GALNT13: variants seen among roughly 807,000 people sequenced by gnomAD.
The protein encoded by GALNT13 is UDP-GalNAc:polypeptide N-acetylgalactosaminyltransferase 13.
In GALNT13, 28 loss-of-function variants were observed where a neutral mutation model predicts 64.2. The ratio of observed to expected loss-of-function variants is 0.44; its 90% CI spans 0.32 to 0.60. GALNT13 has a LOEUF of 0.60. Ranked by LOEUF, GALNT13 falls within the 20% of genes least tolerant of loss-of-function variation. The pLI, the probability that GALNT13 is intolerant of heterozygous loss-of-function variation, is 0.05. For synonymous variants in GALNT13, 214 were observed against 224.6 expected, an observed-to-expected ratio of 0.95 and a Z score of 0.42; for missense variants, 577 against 669.8, an observed-to-expected ratio of 0.86 and a Z score of 1.53.
chr2:153,800,092 C>T, the GALNT13 span, among the ~76,000 whole-genome samples: 1 of 151,382 alleles, frequency 6.6e-6, no homozygotes, highest in Admixed American at 6.6e-5. Context: ...CTCCACCCCC[C>T]ACCACCACAC....
At chr2:153,766,196 G>A in the GALNT13 span, among the ~76,000 whole-genome samples, 4 of 151,678 alleles carry the variant, frequency 2.6e-5, no homozygotes, top group African/African-American at 9.7e-5. Flanking sequence ...TCTTGCCTGG[G>A]CTCTGAGGTT....
the GALNT13 span, among the ~76,000 whole-genome samples, chr2:153,427,538 T>A: frequency 2.5e-4 from 38 of 152,140 alleles, no homozygotes; most frequent in Admixed American, 3.3e-4. Context: ...ATTAGGAGGT[T>A]GAGTTAGACA....
chr2:153,656,025 G>A, the GALNT13 span, among the ~76,000 whole-genome samples: 24 of 152,086 alleles, frequency 1.6e-4, no homozygotes, highest in Admixed American at 2.6e-4. Context: ...AAGCTTGCCC[G>A]CTTTGTTATG....
intron 3 of GALNT13, among the ~76,000 whole-genome samples, chr2:154,085,940 G>A (rs1298222096): frequency 1.3e-5 from 2 of 151,700 alleles, no homozygotes; most frequent in Non-Finnish European, 2.9e-5. Flanking sequence ...AAAAAATAAA[G>A]TATGTTGTAA....
At chr2:154,175,628 A>C (rs985267632) in intron 4 of GALNT13, among the ~76,000 whole-genome samples, 8 of 152,180 alleles carry the variant, frequency 5.3e-5, no homozygotes, top group Admixed American at 4.6e-4. Flanking sequence ...AAACTATAGA[A>C]ACCCTCTGAG....
At chr2:153,645,768 A>C in the GALNT13 span, among the ~76,000 whole-genome samples, 3 of 152,110 alleles carry the variant, frequency 2.0e-5, no homozygotes, top group Non-Finnish European at 4.4e-5. Context: ...GCAAGCTTTC[A>C]CAGGATCTTC....
At chr2:154,404,676 A>T (rs542182703) in intron 10 of GALNT13, among the ~76,000 whole-genome samples, 1 of 152,310 alleles carries the variant, frequency 6.6e-6, no homozygotes, top group South Asian at 2.1e-4. Context: ...AACAGTCTGC[A>T]GTCTGTGAAT....
At chr2:153,284,466 A>G in the GALNT13 span, among the ~76,000 whole-genome samples, 1 of 152,158 alleles carries the variant, frequency 6.6e-6, no homozygotes, top group Admixed American at 6.5e-5. Context: ...CTGTCTTTAT[A>G]TGCACTCAGA....
chr2:154,223,473 CAG>C (rs1688430466), intron 4 of GALNT13, among the ~76,000 whole-genome samples: 3 of 102,260 alleles, frequency 2.9e-5, no homozygotes, highest in Non-Finnish European at 5.7e-5. Flanking sequence ...TTTTTTGAGA[CAG>C]AGTTTTGCTC....
At chr2:153,341,790 T>C in the GALNT13 span, among the ~76,000 whole-genome samples, 1 of 152,320 alleles carries the variant, frequency 6.6e-6, no homozygotes, top group Admixed American at 6.5e-5. Flanking sequence ...AAAGGGCCAC[T>C]TCCTTGGCAG....
chr2:153,163,821 C>T, the GALNT13 span, among the ~76,000 whole-genome samples: 1 of 152,002 alleles, frequency 6.6e-6, no homozygotes, highest in Non-Finnish European at 1.5e-5. Context: ...AGATCGAGAC[C>T]ATCCTGGCTA....
chr2:154,335,697 T>A (rs1337104894), intron 9 of GALNT13, among the ~76,000 whole-genome samples: 3 of 151,826 alleles, frequency 2.0e-5, no homozygotes, highest in Middle Eastern at 3.2e-3. Context: ...ACGCGTAATA[T>A]TATAGGGATT....
the GALNT13 span, among the ~76,000 whole-genome samples, chr2:153,260,364 GCAT>G: frequency 6.6e-6 from 1 of 152,092 alleles, no homozygotes; most frequent in Non-Finnish European, 1.5e-5. Context: ...ACTTCCTTTA[GCAT>G]TTCTTGTAGG....
At chr2:153,132,128 C>A in the GALNT13 span, among the ~76,000 whole-genome samples, 1 of 152,116 alleles carries the variant, frequency 6.6e-6, no homozygotes, top group African/African-American at 2.4e-5. Context: ...AAAGAAATTG[C>A]CTTTAAATAT....
intron 2 of GALNT13, among the ~76,000 whole-genome samples, chr2:153,922,774 G>T (rs1404388843): frequency 6.6e-6 from 1 of 152,004 alleles, no homozygotes; most frequent in Non-Finnish European, 1.5e-5. Flanking sequence ...AATTAGCAAT[G>T]ACTGGCATGA....
chr2:153,842,407 G>A, the GALNT13 span, among the ~76,000 whole-genome samples: 1 of 152,008 alleles, frequency 6.6e-6, no homozygotes, highest in Non-Finnish European at 1.5e-5. Flanking sequence ...AAAGAGCAGA[G>A]GTCCTGGATA....
chr2:153,650,698 A>G, the GALNT13 span, among the ~76,000 whole-genome samples: 1 of 152,146 alleles, frequency 6.6e-6, no homozygotes, highest in African/African-American at 2.4e-5. Context: ...TCTGCAAAGT[A>G]TTTTATTTCT....
chr2:153,908,492 T>C (rs552912549), intron 2 of GALNT13, among the ~76,000 whole-genome samples: 1 of 152,288 alleles, frequency 6.6e-6, no homozygotes, highest in African/African-American at 2.4e-5. Flanking sequence ...TGGTATTTTC[T>C]AGGTTGTCTT....
chr2:154,148,025 G>A (rs191797104), intron 4 of GALNT13, among the ~76,000 whole-genome samples: 9 of 151,694 alleles, frequency 5.9e-5, no homozygotes, highest in African/African-American at 1.9e-4. Context: ...CCATTAATTC[G>A]TCATTTAACG....
Sources: gnomAD v4.1 joint callset for allele counts (sites outside exome capture counted in the v4.1 genomes callset) on GRCh38, gnomAD v4.1.1 for gene constraint, MANE v1.5 for transcripts, NCBI Gene and HGNC (gene_info 2026-07-23, HGNC 2026-07-21) for gene names.